Variants in SLC36A4 observed in about 807,000 individuals in gnomAD.
The protein encoded by SLC36A4 is neutral amino acid uniporter 4.
A neutral mutation model predicts 50.5 loss-of-function variants in SLC36A4; 49 were observed. The observed-to-expected ratio is 0.97, with a 90% CI of 0.77 to 1.23. The LOEUF is 1.23. SLC36A4 is among the 50% of genes most tolerant of loss of function. The pLI, the probability that SLC36A4 is intolerant of heterozygous loss-of-function variation, is 0.00. For missense variants in SLC36A4, 611 were observed against 608.4 expected (o/e 1.00, Z -0.05); for synonymous variants, 207 against 206.5 (o/e 1.00, Z -0.02).
chr11:93,162,954 G>A (rs1860698755), intron 8 of SLC36A4, 79 bp from the exon 9 acceptor site: 2 of 1,374,908 alleles, frequency 1.5e-6, no homozygotes, highest in South Asian at 1.3e-5. Flanking sequence ...CATACAAATT[G>A]GTTGTTTATA....
At chr11:93,160,839 T>A (rs967439929) in intron 9 of SLC36A4, 4 of 768,022 alleles carry the variant, frequency 5.2e-6, no homozygotes, top group Non-Finnish European at 6.3e-6. Flanking sequence ...CAAAATATTA[T>A]TGTTATTATT....
At chr11:93,194,537 A>T (rs1862342566) in intron 1 of SLC36A4, among the ~76,000 whole-genome samples, 1 of 152,206 alleles carries the variant, frequency 6.6e-6, no homozygotes, top group Non-Finnish European at 1.5e-5. Context: ...GTATCTTAAC[A>T]TCTCTACCAG....
At chr11:93,181,821 G>T (rs1484405349) in intron 4 of SLC36A4, 35 bp from the exon 5 acceptor site, 1 of 1,487,278 alleles carries the variant, frequency 6.7e-7, no homozygotes, top group Non-Finnish European at 9.0e-7. Context: ...AAGGAAAAAA[G>T]AAAAATTTTA....
At chr11:93,162,558 C>T (rs950306199) in intron 9 of SLC36A4, 148 bp downstream of exon 9, 11 of 650,628 alleles carry the variant, frequency 1.7e-5, no homozygotes, top group African/African-American at 1.3e-4. Flanking sequence ...ATCCGCCCAC[C>T]TCTGCCTCCC....
chr11:93,165,845 A>C, intron 8 of SLC36A4, 73 bp downstream of exon 8: 1 of 874,362 alleles, frequency 1.1e-6, no homozygotes, highest in Non-Finnish European at 1.7e-6. Context: ...GCAATTTTAA[A>C]TACAGGTAGG....
Position 93,154,255 on chromosome 11 carries a change from GA to G in SLC36A4, c.1059del (p.Leu354TyrfsTer8). On this transcript the variant is annotated frameshift_variant, in exon 10 of 11. Transcript: ENST00000326402. LOFTEE classifies it high-confidence loss of function. ...QDVWLYQSVK[I>X]LYSFGIFVTY... is the part of the protein sequence containing the mutation. ...GTCACAAAAATGCCAAAGGAATATA[GA>G]ATTTTCACTGATTGATATAACCTGT... 6.9e-7 allele frequency: 1 copy of G among 1,446,548 alleles called. No individual in the cohort carries two copies. The highest frequency in any genetic ancestry group is 9.2e-7 in the Non-Finnish European group (1 of 1,092,176). The allele number at this position is 1,446,548 out of a possible 1,614,324, so 89.6% of individuals were successfully genotyped here. A position where few individuals can be genotyped will look rare whatever the true frequency, so the allele number is the denominator to read the frequency against.
intron 9 of SLC36A4, among the ~76,000 whole-genome samples, chr11:93,156,119 A>G (rs1860348211): frequency 6.6e-6 from 1 of 152,204 alleles, no homozygotes; most frequent in Admixed American, 6.5e-5. Context: ...ATCAAATGAC[A>G]TTTCTGTTTT....
chr11:93,168,910 T>G (rs1861006405), intron 6 of SLC36A4, among the ~76,000 whole-genome samples: 1 of 152,128 alleles, frequency 6.6e-6, no homozygotes, highest in African/African-American at 2.4e-5. Context: ...TATTAAAAAC[T>G]ATCTCTGATC....
chr11:93,170,497 T>C (rs1213853167), intron 6 of SLC36A4, among the ~76,000 whole-genome samples: 1 of 152,088 alleles, frequency 6.6e-6, no homozygotes, highest in Non-Finnish European at 1.5e-5. Flanking sequence ...ATTTTGTTAC[T>C]ATTCCCATTT....
chr11:93,197,935 C>G lies in SLC36A4; in HGVS notation c.-103G>C. 8.4e-7 allele frequency: 1 copy of G among 1,189,836 alleles called. No individual in the cohort carries two copies. Among genetic ancestry groups the G allele is most frequent in the East Asian group, 3.1e-5 (1 of 32,016 alleles). The allele number at this position is 1,189,836 out of a possible 1,614,324, so 73.7% of individuals were successfully genotyped here. A position where few individuals can be genotyped will look rare whatever the true frequency, so the allele number is the denominator to read the frequency against. On this transcript the variant is annotated 5_prime_UTR_variant, in exon 1 of 11. Transcript: ENST00000326402. Reference sequence around the variant, plus strand: ...TACCTCCCCTGCCCGGAGGGACCCGCGCCTGGTGCCCGCCTCCCTGCCCCG... The same window carrying G: ...TACCTCCCCTGCCCGGAGGGACCCGGGCCTGGTGCCCGCCTCCCTGCCCCG...
intron 1 of SLC36A4, among the ~76,000 whole-genome samples, chr11:93,195,229 A>T (rs1239609346): frequency 1.3e-5 from 2 of 151,842 alleles, no homozygotes; most frequent in Non-Finnish European, 2.9e-5. Flanking sequence ...AAGAGAAGGA[A>T]ATTAAGTTTC....
At chr11:93,188,377 A>G (rs1169107367) in intron 1 of SLC36A4, among the ~76,000 whole-genome samples, 1 of 152,196 alleles carries the variant, frequency 6.6e-6, no homozygotes, top group African/African-American at 2.4e-5. Context: ...AGTCTATAAA[A>G]TTATTTACAT....
At chr11:93,182,978 C>T (rs1411642470) in intron 3 of SLC36A4, 84 bp from the exon 4 acceptor site, 10 of 904,242 alleles carry the variant, frequency 1.1e-5, no homozygotes, top group Middle Eastern at 2.2e-4. Context: ...GGATTATTCA[C>T]GTGCAGTGAA....
In SLC36A4 at chr11:93,154,061, T is replaced by C. The variant is rs769215034; in HGVS notation, c.1207+47A>G. On this transcript the variant is annotated intron_variant, in intron 10 of 10. Transcript: ENST00000326402. ...TACATCTTATATAGCTTTCAAGAAA[T>C]TGAACAATAAAAAATTATTATGATA... 1.2e-5 allele frequency: 11 copies of C among 898,570 alleles called. No homozygotes were observed. In the African/African-American group the frequency reaches 1.6e-4, roughly 13 times the overall value. The allele number at this position is 898,570 out of a possible 1,614,324, so 55.7% of individuals were successfully genotyped here. A position where few individuals can be genotyped will look rare whatever the true frequency, so the allele number is the denominator to read the frequency against.
In SLC36A4 at chr11:93,182,858, A is replaced by T; in HGVS notation, c.307T>A (p.Ser103Thr). The change falls in exon 4 of 11, where the codon TCT (serine) becomes ACT (threonine). Residue 103 changes from serine (S) to threonine (T), a missense_variant. Ser to Thr is a moderately conservative substitution (Grantham distance 58). Transcript: ENST00000326402. ...ACCAATATGTGCATACAGTGAACAG[A>T]AATAATTCCTATAAACACAAGGCTG... ...PISLVFIGIISVHCMHILVRC... is the reference protein window; with the variant it reads ...PISLVFIGIITVHCMHILVRC... 1 of 1,613,100 alleles carries T rather than the reference A, an allele frequency of 6.2e-7. No homozygotes were observed. The highest frequency in any genetic ancestry group is 8.5e-7 in the Non-Finnish European group (1 of 1,179,546).
chr11:93,166,002 G>C lies in SLC36A4; in HGVS notation c.783C>G (p.Pro261=). 6.2e-7 allele frequency: 1 copy of C among 1,609,558 alleles called. No individual in the cohort carries two copies. Among genetic ancestry groups the C allele is most frequent in the Non-Finnish European group, 8.5e-7 (1 of 1,177,336 alleles). The change falls in exon 8 of 11, where the codon CCC becomes CCG. Residue 261 remains proline (P), a synonymous_variant. Transcript: ENST00000326402. ...YQYVVRNMPD[P]HNLPIVAGWK... is the part of the protein sequence containing the mutation. ...AACCAGCCACTATTGGAAGGTTGTGGGGATCTGGCATGTTCTAAAGAAAGG... is the reference window on the plus strand; with the variant it reads ...AACCAGCCACTATTGGAAGGTTGTGCGGATCTGGCATGTTCTAAAGAAAGG...
intron 9 of SLC36A4, among the ~76,000 whole-genome samples, chr11:93,156,222 T>C (rs186819178): frequency 6.6e-6 from 1 of 152,278 alleles, no homozygotes; most frequent in Non-Finnish European, 1.5e-5. Context: ...TGTTCCTTTT[T>C]CTCCATAAGC....
intron 6 of SLC36A4, 89 bp from the exon 7 acceptor site, chr11:93,168,260 A>G (rs1860975214): frequency 1.1e-5 from 7 of 636,526 alleles, no homozygotes; most frequent in Non-Finnish European, 1.9e-5. Flanking sequence ...AAATCACAAC[A>G]TATACACTCT....
At position 93,146,149 on chromosome 11, in the gene SLC36A4, T is replaced by A. The variant is rs1247243922; in HGVS notation, c.*2388A>T. The A allele has an allele frequency of 1.3e-5, 2 of 152,068 alleles. No individual in the cohort carries two copies. The highest frequency in any genetic ancestry group is 3.9e-4 in the East Asian group (2 of 5,176). 9.4% of individuals were successfully genotyped at this position (152,068 alleles called of 1,614,324 possible). ...TAATATACTCAAGATGAGTTTGTGC[T>A]GAATTTAAAAATTATTTATTGCTAT... On this transcript the variant is annotated 3_prime_UTR_variant, in exon 11 of 11. Transcript: ENST00000326402.
Sources: allele counts gnomAD v4.1 joint callset (sites outside exome capture counted in the v4.1 genomes callset), GRCh38; gene constraint gnomAD v4.1.1; transcripts MANE v1.5; gene names NCBI Gene and HGNC (gene_info 2026-07-23, HGNC 2026-07-21).